Variants in MTCL2 observed in about 807,000 individuals in gnomAD.
The protein encoded by MTCL2 is microtubule cross-linking factor 2.
chr20:36,803,041 G>A, the MTCL2 span: 1,215 of 1,605,928 alleles, frequency 7.6e-4, no homozygotes, highest in Non-Finnish European at 9.7e-4. Context: ...TCACGCTCCC[G>A]CTGTAGGGCT....
the MTCL2 span, chr20:36,779,414 G>A: frequency 0.061 from 9,363 of 152,656 alleles, 991 homozygotes; most frequent in African/African-American, 0.21. Flanking sequence ...GGCAGGGCAG[G>A]GGAGGAAAAA....
At chr20:36,788,970 C>G in the MTCL2 span, among the ~76,000 whole-genome samples, 1 of 152,178 alleles carries the variant, frequency 6.6e-6, no homozygotes, top group East Asian at 1.9e-4. Context: ...CCACGCCCGG[C>G]TAATTGTGTA....
At chr20:36,856,877 CGTGT>C in the MTCL2 span, among the ~76,000 whole-genome samples, 1 of 152,108 alleles carries the variant, frequency 6.6e-6, no homozygotes, top group Non-Finnish European at 1.5e-5. Flanking sequence ...CACGTGTGTG[CGTGT>C]GTCTAGGTTC....
the MTCL2 span, among the ~76,000 whole-genome samples, chr20:36,802,413 T>C: frequency 1.3e-5 from 2 of 152,166 alleles, no homozygotes; most frequent in South Asian, 4.1e-4. Context: ...GGGTCAATGA[T>C]TGCTTTTCCT....
chr20:36,786,593 G>A, the MTCL2 span: 72 of 1,550,974 alleles, frequency 4.6e-5, 1 homozygote, highest in Middle Eastern at 6.7e-4. Flanking sequence ...ACGATCGGGC[G>A]AAGCAGGAGG....
chr20:36,779,915 A>C, the MTCL2 span: 1 of 152,398 alleles, frequency 6.6e-6, no homozygotes, highest in African/African-American at 2.4e-5. Flanking sequence ...GGAACCAGCC[A>C]AGGAGAAGAG....
At chr20:36,801,422 A>G in the MTCL2 span, among the ~76,000 whole-genome samples, 1 of 152,070 alleles carries the variant, frequency 6.6e-6, no homozygotes, top group South Asian at 2.1e-4. Context: ...AAACAAAACA[A>G]AACCCTGTAA....
chr20:36,812,193 T>A, the MTCL2 span, among the ~76,000 whole-genome samples: 4 of 152,188 alleles, frequency 2.6e-5, no homozygotes, highest in Non-Finnish European at 5.9e-5. Flanking sequence ...CTCCTCCTCC[T>A]CCTCATCCTC....
the MTCL2 span, among the ~76,000 whole-genome samples, chr20:36,848,068 G>C: frequency 2.0e-5 from 3 of 152,224 alleles, no homozygotes; most frequent in African/African-American, 7.2e-5. Flanking sequence ...AGGTTCACTT[G>C]AGCCCAGGAG....
At chr20:36,793,645 C>A in the MTCL2 span, 3 of 1,551,136 alleles carry the variant, frequency 1.9e-6, no homozygotes, top group Non-Finnish European at 2.6e-6. The surrounding 1 kb of genome is among the most constrained non-coding windows in gnomAD (Gnocchi z 6.8). Flanking sequence ...GGCTGTCCCG[C>A]GTGGTGGTGG....
the MTCL2 span, among the ~76,000 whole-genome samples, chr20:36,831,313 C>T: frequency 6.6e-5 from 10 of 152,216 alleles, no homozygotes; most frequent in African/African-American, 1.4e-4. Flanking sequence ...CTCAGGGTCA[C>T]GCAAAGCCAG....
At chr20:36,817,502 A>C in the MTCL2 span, 6 of 1,495,768 alleles carry the variant, frequency 4.0e-6, no homozygotes, top group African/African-American at 7.1e-5. Flanking sequence ...AAAAAAAAAA[A>C]AGTCAGGACT....
At chr20:36,841,004 AAAT>A in the MTCL2 span, among the ~76,000 whole-genome samples, 20 of 151,754 alleles carry the variant, frequency 1.3e-4, no homozygotes, top group African/African-American at 4.4e-4. Flanking sequence ...GTAAACCAGA[AAAT>A]AATAATAACA....
chr20:36,839,773 C>G, the MTCL2 span, among the ~76,000 whole-genome samples: 1 of 152,152 alleles, frequency 6.6e-6, no homozygotes, highest in Non-Finnish European at 1.5e-5. The surrounding 1 kb of genome is among the most constrained non-coding windows in gnomAD (Gnocchi z 5.1). Context: ...AGGTTTCTCC[C>G]CTGGAGCCTT....
the MTCL2 span, among the ~76,000 whole-genome samples, chr20:36,801,403 TTAA>T: frequency 6.6e-6 from 1 of 151,628 alleles, no homozygotes; most frequent in African/African-American, 2.4e-5. Flanking sequence ...TGATTGATGA[TTAA>T]AAAACAAACA....
the MTCL2 span, chr20:36,816,383 AGCACTATGT>A: frequency 1.5e-6 from 2 of 1,295,046 alleles, no homozygotes; most frequent in South Asian, 2.8e-5. Flanking sequence ...CATTTTGGGG[AGCACTATGT>A]GCTGGGAACA....
chr20:36,819,065 T>C, the MTCL2 span, among the ~76,000 whole-genome samples: 1 of 152,222 alleles, frequency 6.6e-6, no homozygotes, highest in East Asian at 1.9e-4. Context: ...GGTGAAGCTA[T>C]AGAGAAACAA....
chr20:36,858,679 C>T, the MTCL2 span, among the ~76,000 whole-genome samples: 1 of 152,118 alleles, frequency 6.6e-6, no homozygotes, highest in Non-Finnish European at 1.5e-5. Flanking sequence ...TGAATAATAA[C>T]AATTCCTCAG....
chr20:36,828,994 G>C, the MTCL2 span: 10 of 1,462,964 alleles, frequency 6.8e-6, no homozygotes, highest in South Asian at 1.4e-4. Context: ...ACTGGCTTGG[G>C]GGGGCTTGCA....
Sources: gnomAD v4.1 joint callset for allele counts (sites outside exome capture counted in the v4.1 genomes callset) on GRCh38, gnomAD v4.1.1 for gene constraint, Gnocchi (gnomAD v3.1) non-coding constraint, MANE v1.5 for transcripts, NCBI Gene and HGNC (gene_info 2026-07-23, HGNC 2026-07-21) for gene names.